Variants in FBXO4 observed in about 807,000 individuals in gnomAD.
FBXO4 encodes F-box only protein 4.
In FBXO4, 36 loss-of-function variants were observed where a neutral mutation model predicts 43.7. The ratio of observed to expected loss-of-function variants is 0.82; its 90% CI spans 0.63 to 1.09. The LOEUF (loss-of-function observed/expected upper bound fraction) is 1.09. Among genes scored for constraint, FBXO4 ranks in the 50% least tolerant of loss-of-function variants. The probability of loss-of-function intolerance (pLI) is 0.00; values close to 1 mark genes in which losing one functional copy is unlikely to be tolerated. For missense variants in FBXO4, 435 were observed against 474.1 expected, an observed-to-expected ratio of 0.92 and a Z score of 0.77; for synonymous variants, 180 against 165.6, an observed-to-expected ratio of 1.09 and a Z score of -0.67.
the FBXO4 span, among the ~76,000 whole-genome samples, chr5:42,025,549 G>A: frequency 3.3e-5 from 5 of 151,992 alleles, no homozygotes; most frequent in East Asian, 1.9e-4. Context: ...AACTTGATGC[G>A]ATCCCATTTA....
At chr5:41,984,032 C>T in the FBXO4 span, among the ~76,000 whole-genome samples, 14 of 151,682 alleles carry the variant, frequency 9.2e-5, no homozygotes, top group Non-Finnish European at 2.1e-4. Context: ...TACAGCCTAT[C>T]AGGACAGAGA....
intron 6 of FBXO4, among the ~76,000 whole-genome samples, chr5:41,940,768 C>T (rs1751985824): frequency 6.6e-6 from 1 of 152,204 alleles, no homozygotes; most frequent in Non-Finnish European, 1.5e-5. Context: ...GTTTCCCCTT[C>T]TGAATGGTGG....
chr5:41,961,055 T>C, the FBXO4 span, among the ~76,000 whole-genome samples: 1 of 152,136 alleles, frequency 6.6e-6, no homozygotes, highest in Non-Finnish European at 1.5e-5. Flanking sequence ...TACGTGCTAA[T>C]TTTTCTGTGG....
In FBXO4 at chr5:41,934,550, G is replaced by A. The variant is rs937839788; in HGVS notation, c.898+242G>A. On this transcript the variant is annotated intron_variant, in intron 5 of 6. Transcript: ENST00000281623. ...CTGGTGGATTTTATTCCTAGATTTGGGTTGTGTGAATCAGATTTGGGCATC... is the reference window on the plus strand; with the variant it reads ...CTGGTGGATTTTATTCCTAGATTTGAGTTGTGTGAATCAGATTTGGGCATC... 1.4e-5 allele frequency: 19 copies of A among 1,360,562 alleles called. No individual in the cohort carries two copies. In the African/African-American group the frequency reaches 2.8e-4, roughly 20 times the overall value. The allele number at this position is 1,360,562 out of a possible 1,614,324, so 84.3% of individuals were successfully genotyped here. A position where few individuals can be genotyped will look rare whatever the true frequency, so the allele number is the denominator to read the frequency against.
the FBXO4 span, among the ~76,000 whole-genome samples, chr5:42,038,188 T>G: frequency 6.6e-6 from 1 of 152,130 alleles, no homozygotes; most frequent in African/African-American, 2.4e-5. Context: ...TGGGTGGGAT[T>G]TGGGACATGT....
the FBXO4 span, among the ~76,000 whole-genome samples, chr5:42,019,207 A>C: frequency 6.6e-6 from 1 of 152,310 alleles, no homozygotes; most frequent in East Asian, 1.9e-4. Flanking sequence ...ATGGCTTTGC[A>C]ATTAAAATGT....
chr5:42,037,126 C>T, the FBXO4 span, among the ~76,000 whole-genome samples: 2 of 152,158 alleles, frequency 1.3e-5, no homozygotes, highest in Admixed American at 6.6e-5. Context: ...ATTATTTATC[C>T]TCACTACAGT....
chr5:41,957,232 C>T, the FBXO4 span, among the ~76,000 whole-genome samples: 1 of 151,844 alleles, frequency 6.6e-6, no homozygotes, highest in Admixed American at 6.6e-5. Flanking sequence ...GGGACTCCAA[C>T]TACACATATG....
intron 3 of FBXO4, among the ~76,000 whole-genome samples, chr5:41,931,846 A>G (rs937104520): frequency 6.6e-6 from 1 of 152,226 alleles, no homozygotes; most frequent in Non-Finnish European, 1.5e-5. Flanking sequence ...AGTAATAACG[A>G]CAAAGAAGGA....
Position 41,941,211 on chromosome 5 carries a change from A to G in FBXO4, c.1094A>G (p.Glu365Gly). ...TCCGAGGTCCAGGATACAGAGGCTG[A>G]AACTCTGACTGGTTTTTTGAATGGC... ...HPWLVQDTEA[E>G]TLTGFLNGIE... Residue 365 changes from glutamate to glycine, a missense_variant, in exon 7 of 7, where the codon GAA becomes GGA. Glu to Gly is a moderately conservative substitution (Grantham distance 98, BLOSUM62 -2). Transcript: ENST00000281623. 5.0e-6 allele frequency: 8 copies of G among 1,613,810 alleles called. No homozygotes were observed. The highest frequency in any genetic ancestry group is 5.9e-6 in the Non-Finnish European group (7 of 1,179,776).
At chr5:41,942,198 G>C (rs149812002), downstream of FBXO4, among the ~76,000 whole-genome samples, 1 of 152,026 alleles carries the variant, frequency 6.6e-6, no homozygotes, top group African/African-American at 2.4e-5. Flanking sequence ...CCTTTTTGTT[G>C]AGGGGGCAGA....
chr5:41,959,507 A>T, the FBXO4 span, among the ~76,000 whole-genome samples: 130 of 152,062 alleles, frequency 8.5e-4, no homozygotes, highest in African/African-American at 2.9e-3. Context: ...CAGTAGTGTT[A>T]TAGTTTTTGG....
At chr5:42,035,269 C>T in the FBXO4 span, among the ~76,000 whole-genome samples, 1 of 152,068 alleles carries the variant, frequency 6.6e-6, no homozygotes, top group Admixed American at 6.6e-5. Context: ...TGACTGCAAA[C>T]AGAGGCAATT....
chr5:41,993,567 A>C, the FBXO4 span, among the ~76,000 whole-genome samples: 1 of 150,846 alleles, frequency 6.6e-6, no homozygotes, highest in African/African-American at 2.4e-5. Flanking sequence ...CATATAACTG[A>C]AACTTTTTAC....
the FBXO4 span, among the ~76,000 whole-genome samples, chr5:41,987,490 A>G: frequency 6.6e-6 from 1 of 152,190 alleles, no homozygotes; most frequent in Admixed American, 6.5e-5. Context: ...TTAGAAATGA[A>G]AAACCATAGA....
chr5:41,944,309 A>G (rs537710362), downstream of FBXO4, among the ~76,000 whole-genome samples: 4 of 152,322 alleles, frequency 2.6e-5, no homozygotes, highest in African/African-American at 9.6e-5. Flanking sequence ...AGAAAGTACA[A>G]TTCTCCATAT....
chr5:42,011,629 C>G, the FBXO4 span, among the ~76,000 whole-genome samples: 5 of 152,138 alleles, frequency 3.3e-5, no homozygotes, highest in African/African-American at 1.2e-4. Context: ...AGCTGAGGCT[C>G]TATTGTTTCT....
At chr5:42,032,722 C>G in the FBXO4 span, among the ~76,000 whole-genome samples, 3 of 152,096 alleles carry the variant, frequency 2.0e-5, no homozygotes, top group African/African-American at 7.2e-5. Flanking sequence ...GGTGCTCTAC[C>G]CCCCCGTGGC....
chr5:41,982,987 T>C, the FBXO4 span, among the ~76,000 whole-genome samples: 1 of 152,134 alleles, frequency 6.6e-6, no homozygotes, highest in Non-Finnish European at 1.5e-5. Flanking sequence ...TCTGTTCTTG[T>C]GTTAGTTTGC....
Sources: allele counts gnomAD v4.1 joint callset (sites outside exome capture counted in the v4.1 genomes callset), GRCh38; gene constraint gnomAD v4.1.1; transcripts MANE v1.5; gene names NCBI Gene and HGNC (gene_info 2026-07-23, HGNC 2026-07-21).